The following CIC variants were observed in gnomAD, a reference collection of about 807,000 sequenced individuals.
CIC encodes the protein capicua transcriptional repressor.
In CIC, 18 loss-of-function variants were observed where a neutral mutation model predicts 115.7. That is an observed-to-expected ratio of 0.16 (90% CI 0.11 to 0.23). CIC has a LOEUF of 0.23. Among genes scored for constraint, CIC ranks in the 10% least tolerant of loss-of-function variants. The pLI is 1.00. For missense variants in CIC, 2,000 were observed against 2,159.3 expected, an observed-to-expected ratio of 0.93 and a Z score of 1.46; for synonymous variants, 1,076 against 923.0, an observed-to-expected ratio of 1.17 and a Z score of -3.01.
chr19:42,288,527 T>G (rs975953980), intron 7 of CIC, among the ~76,000 whole-genome samples: 73 of 152,266 alleles, frequency 4.8e-4, no homozygotes, highest in African/African-American at 1.6e-3. Context: ...AGATGGATAG[T>G]TGCTATGGAT....
intron 2 of CIC, among the ~76,000 whole-genome samples, chr19:42,283,576 T>C (rs2037366357): frequency 6.6e-6 from 1 of 151,858 alleles, no homozygotes; most frequent in Non-Finnish European, 1.5e-5. Flanking sequence ...TGAGTGTGAG[T>C]AGGTGAGGGC....
rs549525819 is a variant in CIC at position 42,271,951 on chromosome 19, C to G, written c.168C>G (p.Pro56=). The G allele has an allele frequency of 7.5e-6, 3 of 399,244 alleles. No individual in the cohort carries two copies. The highest frequency in any genetic ancestry group is 6.2e-5 in the African/African-American group (3 of 48,602). The allele number at this position is 399,244 out of a possible 1,614,324, so 24.7% of individuals were successfully genotyped here. ...AGCAGCCGCAACCACAGTCCGGGCC[C>G]GAAGAGGCTGAGGAAGGGGAGGAGG... is the stretch of plus-strand genomic sequence containing the variant. ...EAQQPQPQSG[P]EEAEEGEEEE... is the part of the protein sequence containing the mutation. Residue 56 remains proline, a synonymous_variant, in exon 2 of 21, where the codon CCC becomes CCG. Transcript: ENST00000681038.
Position 42,269,272 on chromosome 19 carries a change from A to T in CIC, c.-120A>T, listed in dbSNP as rs1176968437. On this transcript the variant is annotated 5_prime_UTR_variant, in exon 1 of 21. Transcript: ENST00000681038. ...CATTCACCATTTTGTGTGTTGGAGT[A>T]AAAAAAAAAGGGAGAATCGAGAGGG... 1 of 145,388 alleles carries T rather than the reference A, an allele frequency of 6.9e-6. No homozygotes were observed. The highest frequency in any genetic ancestry group is 2.5e-5 in the African/African-American group (1 of 39,450). The allele number at this position is 145,388 out of a possible 1,614,324, so 9.0% of individuals were successfully genotyped here. A position where few individuals can be genotyped will look rare whatever the true frequency, so the allele number is the denominator to read the frequency against.
intron 2 of CIC, among the ~76,000 whole-genome samples, chr19:42,285,984 T>G (rs1037778586): frequency 7.2e-5 from 11 of 152,172 alleles, no homozygotes; most frequent in African/African-American, 2.7e-4. Context: ...TGTCCGTGGT[T>G]TTTCTTCCAA....
At chr19:42,283,052 G>T (rs1463098220) in intron 2 of CIC, among the ~76,000 whole-genome samples, 1 of 152,114 alleles carries the variant, frequency 6.6e-6, no homozygotes, top group Non-Finnish European at 1.5e-5. Flanking sequence ...ATACCTGATG[G>T]GCCTGGGTAC....
intron 12 of CIC, 93 bp downstream of exon 12, chr19:42,291,838 T>C (rs1004940231): frequency 7.4e-6 from 11 of 1,493,106 alleles, no homozygotes; most frequent in African/African-American, 5.5e-5. Context: ...TCCTTCTCCA[T>C]GTATCTGGTT....
chr19:42,275,898 G>T (rs922916814), intron 2 of CIC, among the ~76,000 whole-genome samples: 1 of 152,270 alleles, frequency 6.6e-6, no homozygotes, highest in Admixed American at 6.5e-5. Context: ...GGATGGTGCT[G>T]AGGACACAGC....
rs2037869554 is a variant in CIC at position 42,288,994 on chromosome 19, A to T, written c.3765A>T (p.Gly1255=). The T allele has an allele frequency of 1.2e-6, 2 of 1,613,840 alleles. No individual in the cohort carries two copies. The highest frequency in any genetic ancestry group is 4.5e-5 in the East Asian group (2 of 44,880). Residue 1255 remains glycine (G), a synonymous_variant, in exon 8 of 21, where the codon GGA becomes GGT. Transcript: ENST00000681038. ...CGAERLHTVG[G]PGSARPRAFS... ...CAGAACGGCTACACACAGTTGGGGG[A>T]CCTGGCTCAGCCCGGCCCCGAGCTT...
intron 7 of CIC, 74 bp downstream of exon 7, chr19:42,288,049 C>T: frequency 6.7e-7 from 1 of 1,502,218 alleles, no homozygotes; most frequent in Non-Finnish European, 9.0e-7. Flanking sequence ...CTTGCTTGCT[C>T]CTCCCCTGCC....
At chr19:42,282,195 C>T (rs1381081962) in intron 2 of CIC, among the ~76,000 whole-genome samples, 1 of 152,256 alleles carries the variant, frequency 6.6e-6, no homozygotes, top group Non-Finnish European at 1.5e-5. Context: ...GGCTCACAGC[C>T]AAGTGTCTGG....
chr19:42,284,230 A>G (rs902789910), intron 2 of CIC: 2 of 145,814 alleles, frequency 1.4e-5, no homozygotes, highest in African/African-American at 2.5e-5. Flanking sequence ...GCGCGGGGCC[A>G]GAGCCGTTAC....
At chr19:42,274,627 C>G in intron 2 of CIC, 50 bp downstream of exon 2, 1 of 398,634 alleles carries the variant, frequency 2.5e-6, no homozygotes, top group South Asian at 1.3e-4. Context: ...CGTAGAGGGC[C>G]TCTTGCAAGC....
intron 2 of CIC, among the ~76,000 whole-genome samples, chr19:42,277,577 G>A (rs1174308052): frequency 1.3e-5 from 2 of 152,154 alleles, no homozygotes; most frequent in Admixed American, 6.6e-5. Flanking sequence ...CAGATCCCAG[G>A]CCCTTAAGCA....
rs754397918 is a variant in CIC at position 42,290,619 on chromosome 19, C to T, written c.4578C>T (p.Ile1526=). The part of the protein sequence containing the change: ...GGLEPPGPSV[I]AAPPSGGGNI... ...TGGAGCCACCAGGCCCCTCAGTCAT[C>T]GCGGCCCCTCCCAGCGGAGGAGGAA... The change falls in exon 11 of 21, where the codon ATC becomes ATT. Residue 1526 remains isoleucine, a synonymous_variant. Transcript: ENST00000681038. The T allele has an allele frequency of 2.1e-5, 34 of 1,613,674 alleles. No individual in the cohort carries two copies. The highest frequency in any genetic ancestry group is 3.3e-5 in the Admixed American group (2 of 60,006).
chr19:42,294,633 C>T lies in CIC; in HGVS notation c.7084C>T (p.Leu2362=). 2 of 1,613,698 alleles carry T rather than the reference C, an allele frequency of 1.2e-6. No individual in the cohort carries two copies. The highest frequency in any genetic ancestry group is 1.7e-6 in the Non-Finnish European group (2 of 1,180,002). The change falls in exon 20 of 21, where the codon CTA becomes TTA. Residue 2362 remains leucine, a synonymous_variant. Transcript: ENST00000681038. ...GTEAEDVLGE[L]EYDKVPYSSL... ...AGAAGCCGAGGACGTGCTTGGGGAG[C>T]TAGAGTATGACAAGGTGCCATACTC...
rs1271483744 is a variant in CIC, at chr19:42,290,856, G to A, written c.4815G>A (p.Arg1605=). The A allele has an allele frequency of 2.5e-6, 4 of 1,611,630 alleles. No homozygotes were observed. The highest frequency in any genetic ancestry group is 3.4e-6 in the Non-Finnish European group (4 of 1,179,204). ...CTAAGCCCTTCCCCACCTCTGGCCGGGCTGAGGCGTCTCCAAATGACACAG... is the reference window on the plus strand; with the variant it reads ...CTAAGCCCTTCCCCACCTCTGGCCGAGCTGAGGCGTCTCCAAATGACACAG... ...IASKPFPTSG[R]AEASPNDTAG... is the part of the protein sequence containing the mutation. Residue 1605 remains arginine (R), a synonymous_variant, in exon 11 of 21, where the codon CGG becomes CGA. Transcript: ENST00000681038.
At position 42,293,253 on chromosome 19, in the gene CIC, G is replaced by T. The variant is rs369992088; in HGVS notation, c.6494G>T (p.Arg2165Leu). The T allele has an allele frequency of 6.3e-7, 1 of 1,586,958 alleles. No homozygotes were observed. Among genetic ancestry groups the T allele is most frequent in the Non-Finnish European group, 8.6e-7 (1 of 1,168,640 alleles). ...SPPLPPPAEERTSAKGPETMA... is the reference protein window; with the variant it reads ...SPPLPPPAEELTSAKGPETMA... The stretch of plus-strand genomic sequence containing the variant: ...CCACTGCCCCCACCTGCTGAGGAGC[G>T]GACCAGCGCCAAGGGCCCTGAGACC... The change falls in exon 16 of 21, where the codon CGG becomes CTG. Residue 2165 changes from arginine (R) to leucine (L), a missense_variant. This residue lies in a region of CIC where 1,466 missense variants were observed against 1,390.4 expected (regional missense o/e 1.05). Transcript: ENST00000681038.
At chr19:42,286,028 G>A (rs2037614470) in intron 2 of CIC, among the ~76,000 whole-genome samples, 1 of 152,230 alleles carries the variant, frequency 6.6e-6, no homozygotes, top group African/African-American at 2.4e-5. Context: ...TTTTGGGCAA[G>A]GGGGCTGGAC....
chr19:42,284,616 C>A (rs2037480927), intron 2 of CIC: 2 of 888,172 alleles, frequency 2.3e-6, no homozygotes, highest in South Asian at 1.8e-5. Flanking sequence ...CGGGCCCAAG[C>A]GGCGACGGCC....
Sources: allele counts gnomAD v4.1 joint callset (sites outside exome capture counted in the v4.1 genomes callset), GRCh38; gene constraint gnomAD v4.1.1; regional missense constraint gnomAD v4.1.1; transcripts MANE v1.5; gene names NCBI Gene and HGNC (gene_info 2026-07-23, HGNC 2026-07-21).